IKBKE: variants seen among roughly 807,000 people sequenced by gnomAD.
IKBKE encodes the protein inhibitor of nuclear factor kappa-B kinase subunit epsilon.
Under a neutral mutation model 92.1 loss-of-function variants are expected in IKBKE, and 45 were observed. The observed-to-expected ratio is 0.49, with a 90% CI of 0.38 to 0.63. The LOEUF (loss-of-function observed/expected upper bound fraction) is 0.63. Ranked by LOEUF, IKBKE falls within the 20% of genes least tolerant of loss-of-function variation. IKBKE has a pLI of 0.00. For synonymous variants in IKBKE, 374 were observed against 380.3 expected (o/e 0.98, Z 0.19); for missense variants, 700 against 932.8 (o/e 0.75, Z 3.25).
chr1:206,491,622 T>C (rs1553390372), intron 17 of IKBKE, 26 bp from the exon 18 acceptor site: 1 of 1,559,542 alleles, frequency 6.4e-7, no homozygotes, highest in Admixed American at 1.7e-5. Context: ...GCAGCTCATC[T>C]GCACCTTGGT....
At position 206,487,860 on chromosome 1, in the gene IKBKE, T is replaced by G. The variant is rs1291719349; in HGVS notation, c.1617-54T>G. The G allele has an allele frequency of 2.1e-6, 3 of 1,449,018 alleles. No individual in the cohort carries two copies. The highest frequency in any genetic ancestry group is 2.8e-5 in the African/African-American group (2 of 71,830). The allele number at this position is 1,449,018 out of a possible 1,614,324, so 89.8% of individuals were successfully genotyped here. ...TGCCACCCTTCCCCTCCCTCCCTCT[T>G]TCCTCTGTGCTATTAGATTCTTCCA... is the stretch of plus-strand genomic sequence containing the variant. On this transcript the variant is annotated intron_variant, in intron 15 of 21. Coordinates refer to ENST00000581977, the MANE Select transcript of IKBKE (RefSeq NM_014002.4). The surrounding 1 kb of genome is among the most constrained non-coding windows in gnomAD (Gnocchi z 5.3).
intron 16 of IKBKE, among the ~76,000 whole-genome samples, chr1:206,489,363 G>GTGTGTATATATATGTATATATATATA (rs1186661132): frequency 3.5e-5 from 1 of 28,338 alleles, no homozygotes; most frequent in African/African-American, 8.8e-5. Flanking sequence ...GTGTGTGTGT[G>GTGTGTATATATATGTATATATATATA]TGTGTGTATA....
chr1:206,480,834 C>T (rs1213962356), intron 13 of IKBKE, among the ~76,000 whole-genome samples: 3 of 152,180 alleles, frequency 2.0e-5, no homozygotes, highest in Admixed American at 2.0e-4. Context: ...CCAAGTCCTT[C>T]TCTGAATGAT....
At position 206,485,250 on chromosome 1, in the gene IKBKE, G is replaced by A. The variant is rs1553388306; in HGVS notation, c.1560G>A (p.Leu520=). ...ATATCACGGAGACCCAGGAGAGCCT[G>A]AGCAGCCTGAACCGGGAGCTGGTGA... The part of the protein sequence containing the change: ...SQNITETQES[L]SSLNRELVKS... Residue 520 remains leucine (L), a synonymous_variant, in exon 15 of 22, where the codon CTG becomes CTA. Coordinates refer to ENST00000581977, the MANE Select transcript of IKBKE (RefSeq NM_014002.4). The surrounding 1 kb of genome is among the most constrained non-coding windows in gnomAD (Gnocchi z 5.0). 1.2e-6 allele frequency: 2 copies of A among 1,614,088 alleles called. No homozygotes were observed. The highest frequency in any genetic ancestry group is 2.2e-5 in the East Asian group (1 of 44,886).
At position 206,477,756 on chromosome 1, in the gene IKBKE, A is replaced by T. The variant is rs782809326; in HGVS notation, c.709A>T (p.Ile237Phe). The change falls in exon 8 of 22, where the codon ATC becomes TTC. Residue 237 changes from isoleucine to phenylalanine, a missense_variant. Ile to Phe is a conservative substitution (Grantham distance 21). Transcript: ENST00000581977. Reference sequence around the variant, plus strand: ...TGGCCTTCCTCCCCGCAGGTACCGGATCACCACGGAGAAGCCGGCTGGGGC... The same window carrying T: ...TGGCCTTCCTCCCCGCAGGTACCGGTTCACCACGGAGAAGCCGGCTGGGGC... ...PRRNKEIMYR[I>F]TTEKPAGAIA... is the part of the protein sequence containing the mutation. 1 of 1,559,120 alleles carries T rather than the reference A, an allele frequency of 6.4e-7. No individual in the cohort carries two copies. Among genetic ancestry groups the T allele is most frequent in the Non-Finnish European group, 8.7e-7 (1 of 1,151,546 alleles).
Position 206,496,018 on chromosome 1 carries a change from A to G in IKBKE, c.2118-94A>G, listed in dbSNP as rs1250672930. On this transcript the variant is annotated intron_variant, in intron 21 of 21. Coordinates refer to ENST00000581977, the MANE Select transcript of IKBKE (RefSeq NM_014002.4). ...GGAGAGCTGAGGACTTGAATGGCTC[A>G]GTGTTCTTGAAAGCTAATTGTGCTG... 3.2e-5 allele frequency: 29 copies of G among 915,862 alleles called. No homozygotes were observed. The Admixed American group carries it at 5.4e-4, about 17-fold the overall frequency. The allele number at this position is 915,862 out of a possible 1,614,324, so 56.7% of individuals were successfully genotyped here. A position where few individuals can be genotyped will look rare whatever the true frequency, so the allele number is the denominator to read the frequency against.
intron 3 of IKBKE, 87 bp from the exon 4 acceptor site, chr1:206,474,244 G>A (rs1664932245): frequency 7.5e-7 from 1 of 1,325,736 alleles, no homozygotes; most frequent in East Asian, 2.3e-5. Context: ...GCTGAATGGA[G>A]GCCCAGGAGA....
chr1:206,484,592 T>C (rs954857950), intron 13 of IKBKE, among the ~76,000 whole-genome samples: 17 of 152,210 alleles, frequency 1.1e-4, no homozygotes, highest in African/African-American at 3.9e-4. Flanking sequence ...CCTAGTAGTC[T>C]ACAAAATATA....
intron 3 of IKBKE, among the ~76,000 whole-genome samples, chr1:206,473,629 C>T (rs1289977043): frequency 1.3e-5 from 2 of 152,148 alleles, no homozygotes; most frequent in Non-Finnish European, 2.9e-5. Context: ...TGGATTTATC[C>T]TGCGAGAATG....
At position 206,474,324 on chromosome 1, in the gene IKBKE, A is replaced by G. The variant is rs377599382; in HGVS notation, c.88-7A>G. The stretch of plus-strand genomic sequence containing the variant: ...GCTGTCTCCCACTGCTCCCTCCCCA[A>G]TGGCAGAAATCCGGAGAGCTGGTTG... On this transcript the variant is annotated splice_region_variant and splice_polypyrimidine_tract_variant and intron_variant, in intron 3 of 21. Coordinates refer to ENST00000581977, the MANE Select transcript of IKBKE (RefSeq NM_014002.4). 11 of 1,610,402 alleles carry G rather than the reference A, an allele frequency of 6.8e-6. No homozygotes were observed. Among genetic ancestry groups the G allele is most frequent in the East Asian group, 4.5e-5 (2 of 44,846 alleles).
rs1177924032 is a variant in IKBKE, at chr1:206,478,444, T to C, written c.992+105T>C. 4 of 1,155,692 alleles carry C rather than the reference T, an allele frequency of 3.5e-6. No individual in the cohort carries two copies. The highest frequency in any genetic ancestry group is 2.0e-4 in the Middle Eastern group (1 of 5,002). The allele number at this position is 1,155,692 out of a possible 1,614,324, so 71.6% of individuals were successfully genotyped here. A position where few individuals can be genotyped will look rare whatever the true frequency, so the allele number is the denominator to read the frequency against. Reference sequence around the variant, plus strand: ...CAGTACGTTCTGAGGAGTGTGTACATAGGAACGCTTCCAGGTCCAAACGTA... The same window carrying C: ...CAGTACGTTCTGAGGAGTGTGTACACAGGAACGCTTCCAGGTCCAAACGTA... On this transcript the variant is annotated intron_variant, in intron 9 of 21. Transcript: ENST00000581977. The surrounding 1 kb of genome is among the most constrained non-coding windows in gnomAD (Gnocchi z 4.8).
rs556425174 is a variant in IKBKE at position 206,484,562 on chromosome 1, TA to T, written c.1428-433del. Reference sequence around the variant, plus strand: ...ACTGGGCAGCAAGATGATAATGTTCTAACTTCTGATATATCATTGCCTAGTA... The same window carrying T: ...ACTGGGCAGCAAGATGATAATGTTCTACTTCTGATATATCATTGCCTAGTA... On this transcript the variant is annotated intron_variant, in intron 13 of 21. Transcript: ENST00000581977. Among the ~76,000 whole-genome samples, 118 of 152,214 alleles carry T rather than the reference TA, an allele frequency of 7.8e-4. 1 individual carries two copies. The highest frequency in any genetic ancestry group is 1.5e-3 in the Non-Finnish European group (105 of 68,040).
Position 206,490,835 on chromosome 1 carries a change from G to A in IKBKE, c.1710G>A (p.Glu570=). Reference sequence around the variant, plus strand: ...TTCCTCCAGGGCTTGGCTACAACGAGGAGCAGATTCACAAGCTGGATAAGT... The same window carrying A: ...TTCCTCCAGGGCTTGGCTACAACGAAGAGCAGATTCACAAGCTGGATAAGT... ...SRMRPGLGYN[E]EQIHKLDKVN... Residue 570 remains glutamate (E), a synonymous_variant, in exon 17 of 22, where the codon GAG becomes GAA. Transcript: ENST00000581977. The surrounding 1 kb of genome is among the most constrained non-coding windows in gnomAD (Gnocchi z 5.2). 1 of 1,614,190 alleles carries A rather than the reference G, an allele frequency of 6.2e-7. No homozygotes were observed. The highest frequency in any genetic ancestry group is 8.5e-7 in the Non-Finnish European group (1 of 1,180,030).
At position 206,494,592 on chromosome 1, in the gene IKBKE, CTTTTTTTTTTTT is replaced by C. The variant is rs58971788; in HGVS notation, c.2117+619_2117+630del. On this transcript the variant is annotated intron_variant, in intron 21 of 21. Transcript: ENST00000581977. ...TTTTGCATACCAGTAAAAGTTCTTT[CTTTTTTTTTTTT>C]TTTTTTTTTTTTTTTTTGAGACGGA... 1.7e-4 allele frequency among the ~76,000 whole-genome samples: 11 copies of C among 63,906 alleles called. No individual in the cohort carries two copies. In the South Asian group the frequency reaches 2.5e-3, roughly 15 times the overall value. The allele number at this position is 63,906 out of a possible 152,430, so 41.9% of individuals were successfully genotyped here.
At chr1:206,489,745 A>AC (rs1251674114) in intron 16 of IKBKE, among the ~76,000 whole-genome samples, 1 of 151,944 alleles carries the variant, frequency 6.6e-6, no homozygotes, top group African/African-American at 2.4e-5. Context: ...AGGCATCATT[A>AC]CCCTCCCCAT....
intron 19 of IKBKE, 65 bp from the exon 20 acceptor site, chr1:206,493,201 C>A: frequency 6.4e-7 from 1 of 1,555,822 alleles, no homozygotes; most frequent in Non-Finnish European, 8.8e-7. Context: ...TCCTCCAGCA[C>A]TCCCCCTACC....
rs41295984 is a variant in IKBKE, at chr1:206,472,985, C to T, written c.-32-211C>T. ...ACAGGTGCCGGCTGTGGGCTGAGGGCTCAGTGGGGGCCCTCTTGTTGTGCT... is the reference window on the plus strand; with the variant it reads ...ACAGGTGCCGGCTGTGGGCTGAGGGTTCAGTGGGGGCCCTCTTGTTGTGCT... On this transcript the variant is annotated intron_variant, in intron 2 of 21. Transcript: ENST00000581977. 2.0e-3 allele frequency: 1,028 copies of T among 509,970 alleles called. 12 individuals are homozygous for T. Among genetic ancestry groups the T allele is most frequent in the African/African-American group, 0.018 (907 of 50,018 alleles). The allele number at this position is 509,970 out of a possible 1,614,324, so 31.6% of individuals were successfully genotyped here. A position where few individuals can be genotyped will look rare whatever the true frequency, so the allele number is the denominator to read the frequency against.
intron 5 of IKBKE, among the ~76,000 whole-genome samples, chr1:206,475,869 T>G (rs368627729): frequency 2.0e-5 from 3 of 152,092 alleles, no homozygotes; most frequent in African/African-American, 7.3e-5. Context: ...AATTTCGTTA[T>G]GCATATTTTA....
At chr1:206,474,212 T>TG (rs1664930890) in intron 3 of IKBKE, 119 bp from the exon 4 acceptor site, 3 of 944,474 alleles carry the variant, frequency 3.2e-6, no homozygotes, top group Non-Finnish European at 4.9e-6. Flanking sequence ...GGCTAATCTC[T>TG]GGGGTTGGGC....
Sources: allele counts gnomAD v4.1 joint callset (sites outside exome capture counted in the v4.1 genomes callset), GRCh38; gene constraint gnomAD v4.1.1; non-coding constraint Gnocchi (gnomAD v3.1); transcripts MANE v1.5; gene names NCBI Gene and HGNC (gene_info 2026-07-23, HGNC 2026-07-21).